The following TMEM132C variants were observed in gnomAD, a reference collection of about 807,000 sequenced individuals.
The protein encoded by TMEM132C is protein phosphatase 1, regulatory subunit 152.
A neutral mutation model predicts 61.4 loss-of-function variants in TMEM132C; 29 were observed. The observed-to-expected ratio is 0.47, with a 90% confidence interval of 0.35 to 0.64. The LOEUF is 0.64. Among genes scored for constraint, TMEM132C ranks in the 30% least tolerant of loss-of-function variants. TMEM132C has a pLI of 0.00. For synonymous variants in TMEM132C, 656 were observed against 633.1 expected (o/e 1.04, Z -0.54); for missense variants, 1,408 against 1,476.9 (o/e 0.95, Z 0.76).
In TMEM132C at chr12:128,705,608, A is replaced by C. The variant is rs570302056; in HGVS notation, c.2640A>C (p.Ala880=). The stretch of plus-strand genomic sequence containing the variant: ...GTCGGGCAGACGGGGGCAGGCTGGC[A>C]GGAGAGGGGCAGCTGCAGAACATCC... ...KNSRADGGRL[A]GEGQLQNIPI... is the part of the protein sequence containing the mutation. The change falls in exon 9 of 9, where the codon GCA becomes GCC. Residue 880 remains alanine, a synonymous_variant. Transcript: ENST00000435159. The C allele has an allele frequency of 3.9e-6, 6 of 1,551,022 alleles. No homozygotes were observed. In the African/African-American group the frequency reaches 6.8e-5, roughly 18 times the overall value.
At chr12:128,451,055 G>T (rs1179800398) in intron 2 of TMEM132C, among the ~76,000 whole-genome samples, 5 of 152,128 alleles carry the variant, frequency 3.3e-5, no homozygotes, top group African/African-American at 1.2e-4. Flanking sequence ...CAGATTCAAA[G>T]TTTCTTGTTT....
chr12:128,381,621 G>A (rs922305367), intron 1 of TMEM132C, among the ~76,000 whole-genome samples: 1 of 152,164 alleles, frequency 6.6e-6, no homozygotes, highest in African/African-American at 2.4e-5. Flanking sequence ...GGTCTCCTGC[G>A]GGAATCGCTG....
intron 1 of TMEM132C, among the ~76,000 whole-genome samples, chr12:128,269,156 C>T (rs1183541586): frequency 6.6e-6 from 1 of 152,082 alleles, no homozygotes; most frequent in African/African-American, 2.4e-5. Context: ...ACCTACCTCC[C>T]AGCAGTTTTT....
At chr12:128,549,079 A>G (rs79334609) in intron 3 of TMEM132C, among the ~76,000 whole-genome samples, 4,419 of 152,134 alleles carry the variant, frequency 0.029, 253 homozygotes, top group African/African-American at 0.1. Context: ...GGCAGTCTGG[A>G]CCTGCTAAGG....
At chr12:128,593,669 G>A (rs896863015) in intron 3 of TMEM132C, among the ~76,000 whole-genome samples, 4 of 152,196 alleles carry the variant, frequency 2.6e-5, no homozygotes, top group African/African-American at 9.6e-5. Context: ...TGTGTGAGCT[G>A]AGGCACATTC....
chr12:128,694,164 G>T, intron 6 of TMEM132C, 130 bp downstream of exon 6: 1 of 1,144,602 alleles, frequency 8.7e-7, no homozygotes, highest in Non-Finnish European at 1.2e-6. Context: ...AGGGCTCCCA[G>T]ATAACCCAGC....
At chr12:128,641,592 C>T (rs1593130445) in intron 4 of TMEM132C, among the ~76,000 whole-genome samples, 3 of 152,216 alleles carry the variant, frequency 2.0e-5, no homozygotes, top group Admixed American at 2.0e-4. Flanking sequence ...CTGCAACCAC[C>T]AGCAGCTGGA....
intron 3 of TMEM132C, among the ~76,000 whole-genome samples, chr12:128,585,238 A>C (rs1349608057): frequency 6.6e-6 from 1 of 152,266 alleles, no homozygotes; most frequent in African/African-American, 2.4e-5. Context: ...ATCTAATGCC[A>C]TCTCTGGATA....
At chr12:128,487,515 T>A (rs1392003057) in intron 2 of TMEM132C, among the ~76,000 whole-genome samples, 1 of 151,910 alleles carries the variant, frequency 6.6e-6, no homozygotes, top group Non-Finnish European at 1.5e-5. Flanking sequence ...TATATGTGCA[T>A]ATATACACAA....
intron 1 of TMEM132C, among the ~76,000 whole-genome samples, chr12:128,365,492 TTAAG>T (rs1873834904): frequency 6.6e-6 from 1 of 152,228 alleles, no homozygotes; most frequent in Non-Finnish European, 1.5e-5. Context: ...TGACTATTAA[TTAAG>T]TGACTTTACT....
rs1160008235 is a variant in TMEM132C, at chr12:128,494,244, C to T, written c.975-49713C>T. On this transcript the variant is annotated intron_variant, in intron 2 of 8. Coordinates refer to ENST00000435159, the MANE Select transcript of TMEM132C (RefSeq NM_001136103.3). ...AAGCTTTTTGATGTGCTGCTGGATT[C>T]GGTTTGCCAGTATTTTATTGAGAAT... Among the ~76,000 whole-genome samples, 6 of 152,110 alleles carry T rather than the reference C, an allele frequency of 3.9e-5. 1 individual carries two copies. Among genetic ancestry groups the T allele is most frequent in the South Asian group, 4.1e-4 (2 of 4,826 alleles).
At chr12:128,301,127 A>G (rs1247977833) in intron 1 of TMEM132C, among the ~76,000 whole-genome samples, 1 of 152,174 alleles carries the variant, frequency 6.6e-6, no homozygotes, top group East Asian at 1.9e-4. Context: ...CAAACAATGA[A>G]TGGAGGAGAG....
In TMEM132C at chr12:128,392,994, C is replaced by T. The variant is rs201753671; in HGVS notation, c.86-21738C>T. On this transcript the variant is annotated intron_variant, in intron 1 of 8. Coordinates refer to ENST00000435159, the MANE Select transcript of TMEM132C (RefSeq NM_001136103.3). Reference sequence around the variant, plus strand: ...GATGTATCAAGGTGCACAAACAGTGCGAATCTGCTAGTTACAGAAACCTAA... The same window carrying T: ...GATGTATCAAGGTGCACAAACAGTGTGAATCTGCTAGTTACAGAAACCTAA... Among the ~76,000 whole-genome samples the T allele has an allele frequency of 3.3e-5, 5 of 152,268 alleles. No homozygotes were observed. In the East Asian group the frequency reaches 7.7e-4, roughly 23 times the overall value.
chr12:128,705,395 C>G lies in TMEM132C; in HGVS notation c.2427C>G (p.Gly809=), dbSNP rs1231629791. 1 of 1,551,108 alleles carries G rather than the reference C, an allele frequency of 6.4e-7. No individual in the cohort carries two copies. Among genetic ancestry groups the G allele is most frequent in the Non-Finnish European group, 8.7e-7 (1 of 1,146,988 alleles). Residue 809 remains glycine (G), a synonymous_variant, in exon 9 of 9, where the codon GGC becomes GGG. Transcript: ENST00000435159. ...FGQNDADSSP[G]GDYEEDEIKN... ...AGAACGATGCTGACTCCAGCCCCGG[C>G]GGGGACTATGAGGAAGATGAGATCA...
At chr12:128,521,412 A>G (rs1335466427) in intron 2 of TMEM132C, among the ~76,000 whole-genome samples, 2 of 151,786 alleles carry the variant, frequency 1.3e-5, no homozygotes, top group Non-Finnish European at 2.9e-5. Context: ...CTCATCATTT[A>G]CATTAGGTAT....
chr12:128,429,012 T>C (rs1187909206), intron 2 of TMEM132C, among the ~76,000 whole-genome samples: 1 of 152,232 alleles, frequency 6.6e-6, no homozygotes, highest in African/African-American at 2.4e-5. Flanking sequence ...CTTGACTGAG[T>C]GCTGTGGATT....
At chr12:128,580,566 A>G in intron 3 of TMEM132C, among the ~76,000 whole-genome samples, 1 of 152,238 alleles carries the variant, frequency 6.6e-6, no homozygotes, top group East Asian at 1.9e-4. Context: ...TTGGATGACC[A>G]AAGTAGATAT....
At chr12:128,588,597 C>T (rs550967083) in intron 3 of TMEM132C, among the ~76,000 whole-genome samples, 8 of 152,126 alleles carry the variant, frequency 5.3e-5, no homozygotes, top group African/African-American at 9.7e-5. Context: ...GTGTCCCCCC[C>T]ACTCACAAAA....
At chr12:128,297,449 A>G (rs1272444792) in intron 1 of TMEM132C, among the ~76,000 whole-genome samples, 2 of 152,322 alleles carry the variant, frequency 1.3e-5, no homozygotes, top group South Asian at 2.1e-4. Flanking sequence ...TACGGGTGCT[A>G]TCATGGCTCC....
Sources: gnomAD v4.1 joint callset for allele counts (sites outside exome capture counted in the v4.1 genomes callset) on GRCh38, gnomAD v4.1.1 for gene constraint, MANE v1.5 for transcripts, NCBI Gene and HGNC (gene_info 2026-07-23, HGNC 2026-07-21) for gene names.